The following BAZ2A variants were observed in gnomAD, a reference collection of about 807,000 sequenced individuals.
BAZ2A encodes the protein bromodomain adjacent to zinc finger domain 2A.
In BAZ2A, 34 loss-of-function variants were observed where a neutral mutation model predicts 199.9. The observed-to-expected ratio is 0.17, with a 90% CI of 0.13 to 0.23. The LOEUF (loss-of-function observed/expected upper bound fraction) is 0.23, where lower values mean the gene tolerates loss of function less well. Ranked by LOEUF, BAZ2A falls within the 10% of genes least tolerant of loss-of-function variation. The probability of loss-of-function intolerance (pLI) is 1.00; values close to 1 mark genes in which losing one functional copy is unlikely to be tolerated. For missense variants in BAZ2A, 2,002 were observed against 2,391.1 expected (o/e 0.84, Z 3.39); for synonymous variants, 857 against 883.9 (o/e 0.97, Z 0.54).
Position 56,609,763 on chromosome 12 carries a change from G to A in BAZ2A, c.2065C>T (p.Arg689Cys), listed in dbSNP as rs200427331. 7.5e-4 allele frequency: 1,213 copies of A among 1,613,864 alleles called. 2 individuals are homozygous for A. Among genetic ancestry groups the A allele is most frequent in the Non-Finnish European group, 9.9e-4 (1,170 of 1,179,832 alleles). Residue 689 changes from arginine to cysteine, a missense_variant, in exon 10 of 29, where the codon CGC (arginine) becomes TGC (cysteine). Arg to Cys is a radical substitution (Grantham distance 180). Around this residue, in one of 6 missense-constraint regions of BAZ2A, gnomAD observed 1,081 missense variants for 1,274.7 expected, o/e 0.85. Coordinates refer to ENST00000549884, the MANE Select transcript of BAZ2A (RefSeq NM_001300905.2). ...TGGGCCTCCAGTTTCTTTAGGGGGCGGTTGTCTGTCTTGTTCAATAGCTCA... is the reference window on the plus strand; with the variant it reads ...TGGGCCTCCAGTTTCTTTAGGGGGCAGTTGTCTGTCTTGTTCAATAGCTCA... The part of the protein sequence containing the change: ...ITELLNKTDN[R>C]PLKKLEAQET...
chr12:56,614,202 A>C, intron 3 of BAZ2A, 64 bp from the exon 4 acceptor site: 1 of 1,487,080 alleles, frequency 6.7e-7, no homozygotes. Context: ...ACTTAGCTAT[A>C]CTAGGCAGTC....
upstream of BAZ2A, among the ~76,000 whole-genome samples, chr12:56,637,354 G>A (rs1307713200): frequency 6.6e-6 from 1 of 152,238 alleles, no homozygotes; most frequent in African/African-American, 2.4e-5. Context: ...AACTTCATTA[G>A]TTTAGAAGCC....
At position 56,611,598 on chromosome 12, in the gene BAZ2A, C is replaced by T. The variant is rs1391231950; in HGVS notation, c.1645G>A (p.Glu549Lys). The change falls in exon 7 of 29, where the codon GAA (glutamate) becomes AAA (lysine). Residue 549 changes from glutamate (E) to lysine (K), a missense_variant. By Grantham distance (56) the Glu-to-Lys change is moderately conservative (BLOSUM62 1). Transcript: ENST00000549884. ...CCATGTTGGAGGGGAAGACGAACTT[C>T]TTCTGGGGTAGCAATACGTCTCCTC... ...VMRRRIATPE[E>K]VRLPLQHGWR... 3 of 1,612,816 alleles carry T rather than the reference C, an allele frequency of 1.9e-6. No homozygotes were observed. The highest frequency in any genetic ancestry group is 1.3e-5 in the African/African-American group (1 of 74,964).
chr12:56,615,400 G>A lies in BAZ2A; in HGVS notation c.344C>T (p.Ser115Leu), dbSNP rs559622114. 5.0e-6 allele frequency: 8 copies of A among 1,613,286 alleles called. No individual in the cohort carries two copies. The highest frequency in any genetic ancestry group is 2.2e-5 in the South Asian group (2 of 91,068). The part of the protein sequence containing the change: ...LKDPPLLSQF[S>L]GGQYPLNGIL... ...GCCGTTGAGTGGGTATTGTCCCCCC[G>A]AGAACTGGGAGAGAAGGGGTGGGTC... The change falls in exon 3 of 29, where the codon TCG becomes TTG. Residue 115 changes from serine to leucine, a missense_variant. Transcript: ENST00000549884.
intron 13 of BAZ2A, 122 bp downstream of exon 13, chr12:56,605,708 A>G: frequency 8.9e-7 from 1 of 1,128,788 alleles, no homozygotes; most frequent in Non-Finnish European, 1.2e-6. Context: ...AGTGTGAGCC[A>G]TGGCACCCGG....
At chr12:56,629,920 C>G in intron 1 of BAZ2A, 1 of 252,968 alleles carries the variant, frequency 4.0e-6, no homozygotes, top group Non-Finnish European at 6.2e-6. Context: ...GGGTCCTCAG[C>G]AGCCCCACCA....
rs1592611031 is a variant in BAZ2A, at chr12:56,621,021, G to A, written c.-2-3489C>T. 3.1e-6 allele frequency: 3 copies of A among 966,146 alleles called. No homozygotes were observed. In the South Asian group the frequency reaches 1.4e-4, roughly 46 times the overall value. 59.8% of individuals were successfully genotyped at this position (966,146 alleles called of 1,614,324 possible). On this transcript the variant is annotated intron_variant, in intron 1 of 28. Coordinates refer to ENST00000549884, the MANE Select transcript of BAZ2A (RefSeq NM_001300905.2). ...TCCAAAGCTTATACCACAGAGCAAGGAGGACACTCTTCACTTCAGAAGTCC... is the reference window on the plus strand; with the variant it reads ...TCCAAAGCTTATACCACAGAGCAAGAAGGACACTCTTCACTTCAGAAGTCC...
In BAZ2A at chr12:56,605,265, G is replaced by A; in HGVS notation, c.2556C>T (p.Cys852=). 6.2e-7 allele frequency: 1 copy of A among 1,613,862 alleles called. No homozygotes were observed. The highest frequency in any genetic ancestry group is 8.5e-7 in the Non-Finnish European group (1 of 1,179,840). The change falls in exon 14 of 29, where the codon TGC becomes TGT. Residue 852 remains cysteine (C), a synonymous_variant. Coordinates refer to ENST00000549884, the MANE Select transcript of BAZ2A (RefSeq NM_001300905.2). ...TATGCAGGAACTCCACAATGGTCAAGCAGTCTGAGAAGGCTCCACTGGGCA... is the reference window on the plus strand; with the variant it reads ...TATGCAGGAACTCCACAATGGTCAAACAGTCTGAGAAGGCTCCACTGGGCA... The part of the protein sequence containing the change: ...LTLPSGAFSD[C]LTIVEFLHSF...
chr12:56,626,957 T>G (rs1159016453), intron 1 of BAZ2A, among the ~76,000 whole-genome samples: 1 of 152,212 alleles, frequency 6.6e-6, no homozygotes, highest in African/African-American at 2.4e-5. Flanking sequence ...TTTTACTGTT[T>G]CCAGAATATC....
rs2136990833 is a variant in BAZ2A at position 56,610,809 on chromosome 12, T to C, written c.1671-292A>G. Among the ~76,000 whole-genome samples the C allele has an allele frequency of 1.3e-5, 2 of 152,230 alleles. 1 individual carries two copies. The highest frequency in any genetic ancestry group is 4.1e-4 in the South Asian group (2 of 4,820). On this transcript the variant is annotated intron_variant, in intron 7 of 28. Coordinates refer to ENST00000549884, the MANE Select transcript of BAZ2A (RefSeq NM_001300905.2). ...AGATAAGCTGCCAGAAACCCCTCCC[T>C]GAGCCATTCAGGGCAGTTACTGGAT...
intron 5 of BAZ2A, among the ~76,000 whole-genome samples, chr12:56,612,797 A>T (rs1258475718): frequency 6.6e-6 from 1 of 152,074 alleles, no homozygotes; most frequent in Non-Finnish European, 1.5e-5. Flanking sequence ...TAATTTTTGT[A>T]TTTTTAGTAG....
chr12:56,599,885 C>T, intron 25 of BAZ2A, 37 bp from the exon 26 acceptor site: 2 of 1,613,484 alleles, frequency 1.2e-6, no homozygotes, highest in Non-Finnish European at 1.7e-6. Context: ...ATGAGCTCTC[C>T]AGCCTCTACC....
At position 56,599,055 on chromosome 12, in the gene BAZ2A, T is replaced by C. The variant is rs1379557999; in HGVS notation, c.5403-44A>G. The C allele has an allele frequency of 1.9e-6, 3 of 1,603,816 alleles. No homozygotes were observed. The African/African-American group carries it at 4.0e-5, about 21-fold the overall frequency. On this transcript the variant is annotated intron_variant, in intron 27 of 28. Transcript: ENST00000549884. ...TGATGGCTCCATCTCAGGAAGCAAA[T>C]ATACTGACCCCTCCCAGCCCTTTCC...
chr12:56,601,021 T>A lies in BAZ2A; in HGVS notation c.4372A>T (p.Ile1458Phe). The A allele has an allele frequency of 6.2e-7, 1 of 1,610,886 alleles. No individual in the cohort carries two copies. The highest frequency in any genetic ancestry group is 8.5e-7 in the Non-Finnish European group (1 of 1,178,490). The change falls in exon 22 of 29, where the codon ATC (isoleucine) becomes TTC (phenylalanine). Residue 1458 changes from isoleucine (I) to phenylalanine (F), a missense_variant. Coordinates refer to ENST00000549884, the MANE Select transcript of BAZ2A (RefSeq NM_001300905.2). ...TGTTTGTGAAGTGCCTTCTCCCGGA[T>A]ACCTCGGGGGTGTAGGGCCTTGAGC... ...AMLKALHPRG[I>F]REKALHKHLN...
At chr12:56,611,724 A>G (rs772965794) in intron 6 of BAZ2A, 49 bp downstream of exon 6, 1 of 1,522,746 alleles carries the variant, frequency 6.6e-7, no homozygotes, top group East Asian at 2.3e-5. Context: ...CATGGGACAG[A>G]AAAGTTTCTT....
chr12:56,634,749 G>A (rs1024818253), upstream of BAZ2A, among the ~76,000 whole-genome samples: 2 of 152,334 alleles, frequency 1.3e-5, no homozygotes, highest in African/African-American at 4.8e-5. Flanking sequence ...GGAGAGGCGT[G>A]AGAAGCCTCC....
chr12:56,601,238 G>A lies in BAZ2A; in HGVS notation c.4236C>T (p.Phe1412=), dbSNP rs1886448048. ...PKRRGRPPSK[F]FKQMEQRYLT... Reference sequence around the variant, plus strand: ...GGTAACGCTGTTCCATCTGTTTGAAGAACTTACTGGGAGGTCTCCCTCTCC... The same window carrying A: ...GGTAACGCTGTTCCATCTGTTTGAAAAACTTACTGGGAGGTCTCCCTCTCC... The change falls in exon 21 of 29, where the codon TTC becomes TTT. Residue 1412 remains phenylalanine, a synonymous_variant. Coordinates refer to ENST00000549884, the MANE Select transcript of BAZ2A (RefSeq NM_001300905.2). 1 of 1,614,042 alleles carries A rather than the reference G, an allele frequency of 6.2e-7. No homozygotes were observed. Among genetic ancestry groups the A allele is most frequent in the Non-Finnish European group, 8.5e-7 (1 of 1,179,906 alleles).
chr12:56,605,746 C>A (rs976846864), intron 13 of BAZ2A, 84 bp downstream of exon 13: 6 of 1,355,684 alleles, frequency 4.4e-6, no homozygotes, highest in Non-Finnish European at 6.0e-6. Context: ...ATGGAAATGT[C>A]TCTCCCATTG....
chr12:56,633,105 T>C (rs1951358133), upstream of BAZ2A, among the ~76,000 whole-genome samples: 1 of 152,138 alleles, frequency 6.6e-6, no homozygotes, highest in African/African-American at 2.4e-5. Context: ...GGACTAGTCA[T>C]GAAGAGAATG....
Sources: gnomAD v4.1 joint callset for allele counts (sites outside exome capture counted in the v4.1 genomes callset) on GRCh38, gnomAD v4.1.1 for gene constraint, gnomAD v4.1.1 regional missense constraint, MANE v1.5 for transcripts, NCBI Gene and HGNC (gene_info 2026-07-23, HGNC 2026-07-21) for gene names.